PRR16: variants seen among roughly 807,000 people sequenced by gnomAD.
The protein encoded by PRR16 is protein Largen.
Under a neutral mutation model 18.2 loss-of-function variants are expected in PRR16, and 6 were observed. The observed-to-expected ratio is 0.33, with a 90% CI of 0.18 to 0.65. The LOEUF is 0.65. PRR16 is among the 30% of genes least tolerant of loss of function. The pLI is 0.74. For synonymous variants in PRR16, 151 were observed against 147.8 expected (o/e 1.02, Z -0.16); for missense variants, 412 against 376.6 (o/e 1.09, Z -0.78).
At chr5:120,755,996 C>T in the PRR16 span, among the ~76,000 whole-genome samples, 1 of 152,068 alleles carries the variant, frequency 6.6e-6, no homozygotes, top group South Asian at 2.1e-4. Flanking sequence ...AGTTTACACC[C>T]TATGTAAATG....
chr5:120,649,146 G>C (rs937909254), intron 1 of PRR16, among the ~76,000 whole-genome samples: 15 of 152,104 alleles, frequency 9.9e-5, no homozygotes, highest in Admixed American at 5.2e-4. Context: ...TGGATTGGAA[G>C]AAGATATAAC....
intron 1 of PRR16, among the ~76,000 whole-genome samples, chr5:120,543,554 A>T (rs1264240061): frequency 1.3e-5 from 2 of 152,176 alleles, no homozygotes; most frequent in African/African-American, 4.8e-5. Context: ...TTGAACATAC[A>T]CTTGGAAATT....
chr5:120,694,491 T>C, the PRR16 span, among the ~76,000 whole-genome samples: 2 of 152,066 alleles, frequency 1.3e-5, no homozygotes, highest in Non-Finnish European at 2.9e-5. Context: ...GAGACCATCC[T>C]GGCTAACACG....
intron 1 of PRR16, among the ~76,000 whole-genome samples, chr5:120,664,464 T>TA (rs1213171064): frequency 2.6e-5 from 4 of 151,128 alleles, no homozygotes; most frequent in Non-Finnish European, 5.9e-5. Flanking sequence ...TTGTTTTTTT[T>TA]TTATTATTAT....
At chr5:120,768,938 C>T in the PRR16 span, among the ~76,000 whole-genome samples, 1 of 151,690 alleles carries the variant, frequency 6.6e-6, no homozygotes, top group East Asian at 1.9e-4. Context: ...CTGATCATTA[C>T]TCTAAGAGTA....
the PRR16 span, among the ~76,000 whole-genome samples, chr5:120,713,688 C>T: frequency 1.1e-4 from 17 of 152,170 alleles, no homozygotes; most frequent in African/African-American, 3.9e-4. Flanking sequence ...CAGGGCCTTT[C>T]GCTCAGTAGT....
At chr5:120,779,380 C>A in the PRR16 span, among the ~76,000 whole-genome samples, 1,595 of 152,186 alleles carry the variant, frequency 0.01, 15 homozygotes, top group Non-Finnish European at 0.015. Context: ...TTGATGGAAA[C>A]ATTCTGAAAG....
chr5:120,618,059 A>T (rs1004138092), intron 1 of PRR16, among the ~76,000 whole-genome samples: 1 of 152,010 alleles, frequency 6.6e-6, no homozygotes, highest in Admixed American at 6.6e-5. Context: ...TCTATGTAAG[A>T]CTCTAGTTAT....
intron 1 of PRR16, among the ~76,000 whole-genome samples, chr5:120,617,369 T>A (rs1367552687): frequency 6.6e-6 from 1 of 152,210 alleles, no homozygotes; most frequent in Non-Finnish European, 1.5e-5. Flanking sequence ...ATAACATGAT[T>A]AACACTCACA....
At chr5:120,785,928 GTTTTTC>G in the PRR16 span, among the ~76,000 whole-genome samples, 5 of 149,478 alleles carry the variant, frequency 3.3e-5, no homozygotes, top group African/African-American at 9.8e-5. Flanking sequence ...TGCTTTTTAT[GTTTTTC>G]TTTTTATTCT....
chr5:120,653,680 A>G (rs182668807), intron 1 of PRR16, among the ~76,000 whole-genome samples: 2 of 151,498 alleles, frequency 1.3e-5, no homozygotes, highest in Admixed American at 6.6e-5. Context: ...CAACTGTACA[A>G]TGCTTCACAT....
the PRR16 span, among the ~76,000 whole-genome samples, chr5:120,764,679 GCAAAGAAGT>G: frequency 0.14 from 21,777 of 151,814 alleles, 2,276 homozygotes; most frequent in African/African-American, 0.3. Context: ...ACTGAAGAAT[GCAAAGAAGT>G]CAAAGAAGTG....
chr5:120,618,340 C>T (rs1049843091), intron 1 of PRR16: 2 of 386,474 alleles, frequency 5.2e-6, no homozygotes, highest in Non-Finnish European at 7.1e-6. Context: ...TGTTGAGTGC[C>T]ATTAAATAAA....
chr5:120,468,055 A>G (rs1749159232), intron 1 of PRR16, among the ~76,000 whole-genome samples: 1 of 152,156 alleles, frequency 6.6e-6, no homozygotes, highest in Non-Finnish European at 1.5e-5. Flanking sequence ...TGTGGCCTTT[A>G]GTGGCCACTC....
chr5:120,488,650 C>T (rs1337997994), intron 1 of PRR16, among the ~76,000 whole-genome samples: 1 of 152,098 alleles, frequency 6.6e-6, no homozygotes, highest in African/African-American at 2.4e-5. Flanking sequence ...CTATTTCCTT[C>T]AGTTCTGCTC....
intron 1 of PRR16, among the ~76,000 whole-genome samples, chr5:120,486,282 C>T (rs1485931751): frequency 6.6e-6 from 1 of 152,098 alleles, no homozygotes; most frequent in East Asian, 1.9e-4. Context: ...TAAAAGCGTT[C>T]CTGTTTCTCC....
intron 1 of PRR16, among the ~76,000 whole-genome samples, chr5:120,492,354 C>G (rs1337947882): frequency 4.0e-5 from 6 of 151,256 alleles, no homozygotes; most frequent in African/African-American, 7.3e-5. Flanking sequence ...TTCCTGAGTT[C>G]AAGTGATTGT....
the PRR16 span, among the ~76,000 whole-genome samples, chr5:120,698,715 G>A: frequency 1.4e-4 from 22 of 152,220 alleles, no homozygotes; most frequent in Non-Finnish European, 2.8e-4. Context: ...GGACAGGCCT[G>A]AATTCTGAGA....
the PRR16 span, among the ~76,000 whole-genome samples, chr5:120,703,107 G>A: frequency 5.7e-4 from 86 of 152,176 alleles, no homozygotes; most frequent in Non-Finnish European, 1.0e-3. Context: ...GATTTGGGTC[G>A]GTAAAGGAAA....
Sources: allele counts gnomAD v4.1 joint callset (sites outside exome capture counted in the v4.1 genomes callset), GRCh38; gene constraint gnomAD v4.1.1; transcripts MANE v1.5; gene names NCBI Gene and HGNC (gene_info 2026-07-23, HGNC 2026-07-21).